LIMD1: variants seen among roughly 807,000 people sequenced by gnomAD.
The protein encoded by LIMD1 is LIM domain containing 1, also known as LIM domain-containing protein 1.
A neutral mutation model predicts 58.4 loss-of-function variants in LIMD1; 23 were observed. That is an observed-to-expected ratio of 0.39 (90% CI 0.28 to 0.56). The LOEUF is 0.56. LIMD1 is among the 20% of genes least tolerant of loss of function. The pLI, the probability that LIMD1 is intolerant of heterozygous loss-of-function variation, is 0.57. For missense variants in LIMD1, 838 were observed against 855.5 expected, an observed-to-expected ratio of 0.98 and a Z score of 0.25; for synonymous variants, 334 against 345.5, an observed-to-expected ratio of 0.97 and a Z score of 0.37.
At chr3:45,608,520 A>G (rs1049885506) in intron 1 of LIMD1, among the ~76,000 whole-genome samples, 1 of 152,178 alleles carries the variant, frequency 6.6e-6, no homozygotes, top group East Asian at 1.9e-4. Context: ...TTTGTTTAGA[A>G]GCAAGAGAGG....
intron 2 of LIMD1, among the ~76,000 whole-genome samples, chr3:45,660,338 T>G (rs572182670): frequency 2.0e-5 from 3 of 151,818 alleles, no homozygotes; most frequent in Admixed American, 2.0e-4. Context: ...AGATTTGGAC[T>G]TTGTGATCAG....
chr3:45,672,591 G>A (rs761536949), intron 4 of LIMD1, 99 bp from the exon 5 acceptor site: 19 of 1,367,298 alleles, frequency 1.4e-5, no homozygotes, highest in Non-Finnish European at 1.8e-5. Context: ...TACTCTGTGT[G>A]TGACTGCTCA....
chr3:45,602,243 C>T (rs1028431680), intron 1 of LIMD1, among the ~76,000 whole-genome samples: 15 of 152,088 alleles, frequency 9.9e-5, no homozygotes, highest in Non-Finnish European at 1.6e-4. Flanking sequence ...CCACTGCGCC[C>T]GGCCTGGGCT....
intron 1 of LIMD1, among the ~76,000 whole-genome samples, chr3:45,624,881 C>CTTT (rs59284051): frequency 7.2e-6 from 1 of 138,442 alleles, no homozygotes; most frequent in Non-Finnish European, 1.6e-5. Context: ...TGCTATCTTC[C>CTTT]TTTTTTTTTT....
chr3:45,595,970 C>G lies in LIMD1; in HGVS notation c.1091C>G (p.Ala364Gly). 1 of 1,614,196 alleles carries G rather than the reference C, an allele frequency of 6.2e-7. No homozygotes were observed. Among genetic ancestry groups the G allele is most frequent in the South Asian group, 1.1e-5 (1 of 91,080 alleles). ...PAGLDGSQQG[A>G]VPGLGPKPGC... is the part of the protein sequence containing the mutation. The stretch of plus-strand genomic sequence containing the variant: ...GGTCTGGACGGTTCACAGCAGGGTG[C>G]GGTCCCTGGGCTGGGGCCGAAGCCT... The change falls in exon 1 of 8, where the codon GCG (alanine) becomes GGG (glycine). Residue 364 changes from alanine (A) to glycine (G), a missense_variant. Coordinates refer to ENST00000273317, the MANE Select transcript of LIMD1 (RefSeq NM_014240.3).
intron 1 of LIMD1, among the ~76,000 whole-genome samples, chr3:45,607,366 G>A (rs1701478103): frequency 6.6e-6 from 1 of 152,068 alleles, no homozygotes. Flanking sequence ...CCACAGCCAG[G>A]TTATTTTTAA....
chr3:45,663,383 A>G (rs755691424), intron 2 of LIMD1, among the ~76,000 whole-genome samples: 16 of 152,170 alleles, frequency 1.1e-4, no homozygotes, highest in Admixed American at 2.6e-4. Flanking sequence ...AATTGTTCCC[A>G]AGTAGTCATC....
At chr3:45,617,588 G>A (rs1202703975) in intron 1 of LIMD1, among the ~76,000 whole-genome samples, 4 of 152,298 alleles carry the variant, frequency 2.6e-5, no homozygotes, top group Non-Finnish European at 4.4e-5. Context: ...CAAAGTGCCC[G>A]CCAATTTTCT....
At chr3:45,612,068 G>GCA (rs1185088852) in intron 1 of LIMD1, among the ~76,000 whole-genome samples, 6 of 89,312 alleles carry the variant, frequency 6.7e-5, no homozygotes, top group Non-Finnish European at 1.5e-4. Context: ...TTGCAGGTGC[G>GCA]CGCTCTCTCT....
At chr3:45,632,511 G>C in intron 1 of LIMD1, 6 of 985,296 alleles carry the variant, frequency 6.1e-6, no homozygotes, top group Non-Finnish European at 7.2e-6. Context: ...AAGTGCTTGT[G>C]GGGGAACAGA....
Position 45,676,983 on chromosome 3 carries a change from T to C in LIMD1, c.1955T>C (p.Leu652Pro). The C allele has an allele frequency of 6.2e-7, 1 of 1,614,034 alleles. No homozygotes were observed. Among genetic ancestry groups the C allele is most frequent in the Non-Finnish European group, 8.5e-7 (1 of 1,179,882 alleles). ...GHRCYPLEDH[L>P]FCHSCHVKRL... is the part of the protein sequence containing the mutation. ...CGCTGTTATCCGCTGGAGGACCACC[T>C]GTTCTGTCACTCCTGCCACGTGAAG... is the stretch of plus-strand genomic sequence containing the variant. Residue 652 changes from leucine to proline, a missense_variant, in exon 8 of 8, where the codon CTG becomes CCG. By Grantham distance (98) the Leu-to-Pro change is moderately conservative. Coordinates refer to ENST00000273317, the MANE Select transcript of LIMD1 (RefSeq NM_014240.3).
intron 1 of LIMD1, among the ~76,000 whole-genome samples, chr3:45,603,607 C>A (rs1301683109): frequency 6.6e-6 from 1 of 152,190 alleles, no homozygotes; most frequent in Non-Finnish European, 1.5e-5. Context: ...CTCTCTGGCC[C>A]TGCAGATGCA....
chr3:45,668,296 C>T lies in LIMD1; in HGVS notation c.1581C>T (p.Tyr527=). The T allele has an allele frequency of 3.7e-6, 6 of 1,612,014 alleles. No individual in the cohort carries two copies. The highest frequency in any genetic ancestry group is 5.1e-6 in the Non-Finnish European group (6 of 1,178,770). The change falls in exon 4 of 8, where the codon TAC becomes TAT. Residue 527 remains tyrosine (Y), a splice_region_variant and synonymous_variant. Transcript: ENST00000273317. ...GKVFCEEDFL[Y]SGFQQSADRC... The stretch of plus-strand genomic sequence containing the variant: ...TTTCTTTTCTTTTTCTTCTGCAGTA[C>T]TCTGGTTTCCAGCAGTCGGCTGACA...
rs1697737840 is a variant in LIMD1, at chr3:45,681,106, G to A, written c.*4047G>A. 6.6e-6 allele frequency: 1 copy of A among 151,804 alleles called. No individual in the cohort carries two copies. Among genetic ancestry groups the A allele is most frequent in the African/African-American group, 2.4e-5 (1 of 41,310 alleles). 9.4% of individuals were successfully genotyped at this position (151,804 alleles called of 1,614,324 possible). The stretch of plus-strand genomic sequence containing the variant: ...GACAGATGTGGGAAATCTTCATATA[G>A]TGTATGAAAATTTCATTGTACAGGG... On this transcript the variant is annotated 3_prime_UTR_variant, in exon 8 of 8. Coordinates refer to ENST00000273317, the MANE Select transcript of LIMD1 (RefSeq NM_014240.3).
At chr3:45,608,154 T>C (rs926045105) in intron 1 of LIMD1, among the ~76,000 whole-genome samples, 1 of 152,260 alleles carries the variant, frequency 6.6e-6, no homozygotes, top group Non-Finnish European at 1.5e-5. Context: ...CTGATTGTGC[T>C]GCTTTCTGGC....
chr3:45,680,077 A>C lies in LIMD1; in HGVS notation c.*3018A>C, dbSNP rs986940966. Reference sequence around the variant, plus strand: ...CGCCTTGTTTCCATGGGCTTCTGTCACACAAAATGAAGAACAGAAATGTTA... The same window carrying C: ...CGCCTTGTTTCCATGGGCTTCTGTCCCACAAAATGAAGAACAGAAATGTTA... On this transcript the variant is annotated 3_prime_UTR_variant, in exon 8 of 8. Transcript: ENST00000273317. 2.0e-5 allele frequency: 3 copies of C among 152,170 alleles called. No individual in the cohort carries two copies. Among genetic ancestry groups the C allele is most frequent in the Admixed American group, 2.0e-4 (3 of 15,282 alleles). The allele number at this position is 152,170 out of a possible 1,614,324, so 9.4% of individuals were successfully genotyped here.
At chr3:45,636,733 A>G (rs1701792775) in intron 2 of LIMD1, among the ~76,000 whole-genome samples, 1 of 152,134 alleles carries the variant, frequency 6.6e-6, no homozygotes, top group South Asian at 2.1e-4. Context: ...AGGCTGCTGT[A>G]TGAGCATGAG....
chr3:45,618,816 G>T (rs1701601713), intron 1 of LIMD1, among the ~76,000 whole-genome samples: 1 of 152,168 alleles, frequency 6.6e-6, no homozygotes, highest in African/African-American at 2.4e-5. Context: ...ACTGCAGGAG[G>T]GAGGCTGTGG....
chr3:45,626,893 CAAA>C (rs34165649), intron 1 of LIMD1, among the ~76,000 whole-genome samples: 1 of 133,876 alleles, frequency 7.5e-6, no homozygotes, highest in Non-Finnish European at 1.7e-5. Flanking sequence ...TAAAACTGCT[CAAA>C]AAAAAAAAAA....
Sources: gnomAD v4.1 joint callset for allele counts (sites outside exome capture counted in the v4.1 genomes callset) on GRCh38, gnomAD v4.1.1 for gene constraint, MANE v1.5 for transcripts, NCBI Gene and HGNC (gene_info 2026-07-23, HGNC 2026-07-21) for gene names.